Variants in DSCAM observed in about 807,000 individuals in gnomAD.
DSCAM encodes DS cell adhesion molecule.
In DSCAM, 47 loss-of-function variants were observed where a neutral mutation model predicts 217.7. The observed-to-expected ratio is 0.22, with a 90% confidence interval of 0.17 to 0.28. DSCAM has a LOEUF of 0.28. Among genes scored for constraint, DSCAM ranks in the 10% least tolerant of loss-of-function variants. The probability of loss-of-function intolerance (pLI) is 1.00; values close to 1 mark genes in which losing one functional copy is unlikely to be tolerated. For missense variants in DSCAM, 2,080 were observed against 2,618.3 expected, an observed-to-expected ratio of 0.79 and a Z score of 4.49; for synonymous variants, 1,056 against 1,015.3, an observed-to-expected ratio of 1.04 and a Z score of -0.76.
chr21:40,452,108 G>A (rs760702438), intron 3 of DSCAM, among the ~76,000 whole-genome samples: 3 of 151,982 alleles, frequency 2.0e-5, no homozygotes, highest in Non-Finnish European at 4.4e-5. Context: ...ATGATTAAAT[G>A]TGGAGAAAAA....
At chr21:40,454,295 A>G (rs2075745744) in intron 3 of DSCAM, among the ~76,000 whole-genome samples, 1 of 152,222 alleles carries the variant, frequency 6.6e-6, no homozygotes, top group Non-Finnish European at 1.5e-5. Context: ...ATGTGGCTTT[A>G]GCCATAACAT....
intron 1 of DSCAM, among the ~76,000 whole-genome samples, chr21:40,826,734 GA>G (rs555055407): frequency 4.8e-4 from 73 of 152,272 alleles, no homozygotes; most frequent in Non-Finnish European, 9.0e-4. Flanking sequence ...TGCTCAGTTT[GA>G]ATGACCAAAA....
chr21:40,159,072 C>T (rs899186020), intron 16 of DSCAM, among the ~76,000 whole-genome samples: 1 of 152,152 alleles, frequency 6.6e-6, no homozygotes, highest in Non-Finnish European at 1.5e-5. Context: ...AATAGCTGTG[C>T]CCTCCTGGCT....
chr21:40,361,254 C>A (rs16998067), intron 4 of DSCAM, among the ~76,000 whole-genome samples: 7,981 of 152,074 alleles, frequency 0.052, 363 homozygotes, highest in African/African-American at 0.13. Context: ...GGCACCAAAC[C>A]TTTTCTATTT....
At position 40,144,311 on chromosome 21, in the gene DSCAM, C is replaced by A. The variant is rs1049809824; in HGVS notation, c.3259+180G>T. ...TTTGCAGTCCAGCCCTGCCCCAGGG[C>A]GGGCAGATCAGCGGGGTGGGCGAGG... On this transcript the variant is annotated intron_variant, in intron 17 of 32. Transcript: ENST00000400454. The surrounding 1 kb of genome is among the most constrained non-coding windows in gnomAD (Gnocchi z 4.8). Among the ~76,000 whole-genome samples the A allele has an allele frequency of 1.3e-5, 2 of 152,126 alleles. No individual in the cohort carries two copies. The highest frequency in any genetic ancestry group is 4.8e-5 in the African/African-American group (2 of 41,440).
chr21:40,724,617 A>G (rs1467918166), intron 1 of DSCAM, among the ~76,000 whole-genome samples: 9 of 152,210 alleles, frequency 5.9e-5, no homozygotes, highest in Admixed American at 5.9e-4. Context: ...CGTTAACCAA[A>G]GCCAACTGAA....
chr21:40,229,469 T>A (rs181036266), intron 11 of DSCAM, among the ~76,000 whole-genome samples: 1 of 152,262 alleles, frequency 6.6e-6, no homozygotes, highest in East Asian at 1.9e-4. Context: ...ATACATAATA[T>A]CCTCAACTCC....
intron 27 of DSCAM, among the ~76,000 whole-genome samples, chr21:40,064,930 A>G (rs1458277005): frequency 6.6e-6 from 1 of 152,144 alleles, no homozygotes; most frequent in African/African-American, 2.4e-5. Context: ...ACTAGCATCC[A>G]CCAGGCAATC....
chr21:40,476,226 A>G lies in DSCAM; in HGVS notation c.509-106981T>C, dbSNP rs76292448. On this transcript the variant is annotated intron_variant, in intron 3 of 32. Coordinates refer to ENST00000400454, the MANE Select transcript of DSCAM (RefSeq NM_001389.5). Reference sequence around the variant, plus strand: ...ATTTGAAGGCCCTTAGTGAAGGTATATCGATAATTTTAGGGAGATAATATG... The same window carrying G: ...ATTTGAAGGCCCTTAGTGAAGGTATGTCGATAATTTTAGGGAGATAATATG... 6.4e-3 allele frequency among the ~76,000 whole-genome samples: 979 copies of G among 152,246 alleles called. 12 individuals are homozygous for G. Among genetic ancestry groups the G allele is most frequent in the Admixed American group, 0.027 (407 of 15,300 alleles).
chr21:40,114,836 G>C (rs549761182), intron 20 of DSCAM, among the ~76,000 whole-genome samples: 57 of 152,332 alleles, frequency 3.7e-4, no homozygotes, highest in Non-Finnish European at 6.6e-4. Flanking sequence ...CTGGCTGTTA[G>C]AGAAATGCAA....
chr21:40,330,909 A>G (rs926082400), intron 8 of DSCAM, among the ~76,000 whole-genome samples: 2 of 152,172 alleles, frequency 1.3e-5, no homozygotes, highest in African/African-American at 2.4e-5. Flanking sequence ...CCCCAGGTCT[A>G]TATTTCTCGT....
intron 32 of DSCAM, among the ~76,000 whole-genome samples, chr21:40,033,083 G>A (rs1568901162): frequency 6.6e-6 from 1 of 152,152 alleles, no homozygotes; most frequent in Admixed American, 6.5e-5. Context: ...TATGTAACCA[G>A]TTTCAGTGGT....
At chr21:40,044,468 C>T (rs947364283) in intron 30 of DSCAM, among the ~76,000 whole-genome samples, 193 bp from the exon 31 acceptor site, 2 of 152,130 alleles carry the variant, frequency 1.3e-5, no homozygotes, top group Non-Finnish European at 2.9e-5. Flanking sequence ...CTGATACTTA[C>T]GTGTTTAATC....
chr21:40,815,995 C>T (rs2091878219), intron 1 of DSCAM, among the ~76,000 whole-genome samples: 1 of 152,202 alleles, frequency 6.6e-6, no homozygotes, highest in South Asian at 2.1e-4. Context: ...ATGTGGCTGA[C>T]ATCCCTGAGA....
rs2077069350 is a variant in DSCAM, at chr21:40,602,400, C to G, written c.508+90410G>C. Among the ~76,000 whole-genome samples the G allele has an allele frequency of 3.9e-5, 6 of 152,066 alleles. No homozygotes were observed. The South Asian group carries it at 1.0e-3, about 26-fold the overall frequency. On this transcript the variant is annotated intron_variant, in intron 3 of 32. Coordinates refer to ENST00000400454, the MANE Select transcript of DSCAM (RefSeq NM_001389.5). ...GGAAGAGATTGCAAAGAATTGGTAT[C>G]ATTTTTTTTCTTTAAGAGTTGGTAG...
At chr21:40,811,698 G>A (rs2091840857) in intron 1 of DSCAM, among the ~76,000 whole-genome samples, 1 of 152,222 alleles carries the variant, frequency 6.6e-6, no homozygotes, top group East Asian at 1.9e-4. Flanking sequence ...TGAGAGAGCA[G>A]TTAACTCAGC....
chr21:40,445,229 T>C (rs1431443536), intron 3 of DSCAM, among the ~76,000 whole-genome samples: 1 of 152,182 alleles, frequency 6.6e-6, no homozygotes, highest in African/African-American at 2.4e-5. Flanking sequence ...CATTGGGTAT[T>C]AGGTTCCAAC....
At chr21:40,639,575 C>T (rs1474351791) in intron 3 of DSCAM, among the ~76,000 whole-genome samples, 1 of 152,046 alleles carries the variant, frequency 6.6e-6, no homozygotes, top group Non-Finnish European at 1.5e-5. Context: ...ACAATGAGCA[C>T]AAGTTTTAGT....
intron 1 of DSCAM, among the ~76,000 whole-genome samples, chr21:40,805,259 T>C (rs1285892901): frequency 6.6e-6 from 1 of 152,222 alleles, no homozygotes; most frequent in African/African-American, 2.4e-5. Context: ...CCAACTTTCC[T>C]AGCTCTCTCT....
Sources: allele counts gnomAD v4.1 joint callset (sites outside exome capture counted in the v4.1 genomes callset), GRCh38; gene constraint gnomAD v4.1.1; non-coding constraint Gnocchi (gnomAD v3.1); transcripts MANE v1.5; gene names NCBI Gene and HGNC (gene_info 2026-07-23, HGNC 2026-07-21).